RNF149: variants seen among roughly 807,000 people sequenced by gnomAD.
RNF149 encodes E3 ubiquitin-protein ligase RNF149.
Under a neutral mutation model 39.0 loss-of-function variants are expected in RNF149, and 21 were observed. The ratio of observed to expected loss-of-function variants is 0.54; its 90% CI spans 0.38 to 0.77. RNF149 has a LOEUF of 0.77. Ranked by LOEUF, RNF149 falls within the 30% of genes least tolerant of loss-of-function variation. The probability of loss-of-function intolerance (pLI) is 0.00; values close to 1 mark genes in which losing one functional copy is unlikely to be tolerated. For synonymous variants in RNF149, 209 were observed against 213.6 expected, an observed-to-expected ratio of 0.98 and a Z score of 0.19; for missense variants, 493 against 534.9, an observed-to-expected ratio of 0.92 and a Z score of 0.77.
intron 1 of RNF149, among the ~76,000 whole-genome samples, chr2:101,303,036 C>T (rs1250117752): frequency 6.6e-6 from 1 of 151,598 alleles, no homozygotes; most frequent in African/African-American, 2.4e-5. Context: ...AAACCCTCAA[C>T]CTTTCTGGGA....
chr2:101,298,408 G>C (rs1163651231), intron 1 of RNF149, among the ~76,000 whole-genome samples: 1 of 152,054 alleles, frequency 6.6e-6, no homozygotes, highest in Non-Finnish European at 1.5e-5. Context: ...CTGGGCAACA[G>C]AGCAAGACAC....
At chr2:101,302,307 C>A (rs1026356731) in intron 1 of RNF149, among the ~76,000 whole-genome samples, 5 of 151,966 alleles carry the variant, frequency 3.3e-5, no homozygotes, top group African/African-American at 1.2e-4. Flanking sequence ...TAAAATGGCC[C>A]AATAAGGAGA....
chr2:101,293,330 T>C (rs1370461044), intron 3 of RNF149, among the ~76,000 whole-genome samples: 1 of 152,170 alleles, frequency 6.6e-6, no homozygotes, highest in Non-Finnish European at 1.5e-5. Flanking sequence ...AACCAAGTCA[T>C]AGCTGCAAGT....
chr2:101,282,637 A>T (rs1343735278), intron 5 of RNF149, among the ~76,000 whole-genome samples: 2 of 152,162 alleles, frequency 1.3e-5, no homozygotes, highest in African/African-American at 4.8e-5. Flanking sequence ...TCACTGCATT[A>T]AGTCTCAACA....
chr2:101,298,403 C>T (rs1258114202), intron 1 of RNF149, among the ~76,000 whole-genome samples: 1 of 151,816 alleles, frequency 6.6e-6, no homozygotes, highest in Non-Finnish European at 1.5e-5. Flanking sequence ...CCAGCCTGGG[C>T]AACAGAGCAA....
intron 1 of RNF149, among the ~76,000 whole-genome samples, chr2:101,302,019 G>C (rs1237001079): frequency 1.3e-5 from 2 of 152,124 alleles, no homozygotes; most frequent in Non-Finnish European, 2.9e-5. Context: ...CTAACTAACT[G>C]CAACACTCTA....
chr2:101,294,133 C>G (rs2104415921), intron 2 of RNF149, 51 bp from the exon 3 acceptor site: 2 of 1,028,974 alleles, frequency 1.9e-6, no homozygotes, highest in African/African-American at 1.6e-5. Context: ...AATTAAATCA[C>G]TATTTTTCTT....
chr2:101,283,816 A>G (rs1682684878), intron 5 of RNF149, among the ~76,000 whole-genome samples: 1 of 152,226 alleles, frequency 6.6e-6, no homozygotes, highest in African/African-American at 2.4e-5. Context: ...AACAAAACTC[A>G]TGAGGATTAA....
rs1457736118 is a variant in RNF149 at position 101,275,855 on chromosome 2, T to C, written c.*1383A>G. The C allele has an allele frequency of 8.1e-6, 8 of 984,692 alleles. No individual in the cohort carries two copies. The highest frequency in any genetic ancestry group is 9.6e-6 in the Non-Finnish European group (8 of 829,264). 61.0% of individuals were successfully genotyped at this position (984,692 alleles called of 1,614,324 possible). On this transcript the variant is annotated 3_prime_UTR_variant, in exon 7 of 7. Coordinates refer to ENST00000295317, the MANE Select transcript of RNF149 (RefSeq NM_173647.4). ...TAGATTTCAAAGGTAATGGCTGTTA[T>C]GGAAACCTACTTGAGGTTGTCTGCT... is the stretch of plus-strand genomic sequence containing the variant.
At chr2:101,292,473 A>G (rs889672619) in intron 3 of RNF149, among the ~76,000 whole-genome samples, 13 of 152,170 alleles carry the variant, frequency 8.5e-5, no homozygotes, top group African/African-American at 3.1e-4. Context: ...ATACTTAAGA[A>G]CTGCAATTTC....
Position 101,299,754 on chromosome 2 carries a change from G to A in RNF149, c.461-4573C>T, listed in dbSNP as rs189321214. On this transcript the variant is annotated intron_variant, in intron 1 of 6. Transcript: ENST00000295317. The stretch of plus-strand genomic sequence containing the variant: ...TTTGTGTGGTAATGGGGAAGAACAC[G>A]TTCACATTTATGTCTCACTTGAAGC... Among the ~76,000 whole-genome samples, 123 of 152,336 alleles carry A rather than the reference G, an allele frequency of 8.1e-4. 1 individual carries two copies. Among genetic ancestry groups the A allele is most frequent in the Middle Eastern group, 3.4e-3 (1 of 294 alleles).
At chr2:101,304,703 T>A (rs1003564663) in intron 1 of RNF149, among the ~76,000 whole-genome samples, 37 of 152,002 alleles carry the variant, frequency 2.4e-4, no homozygotes, top group African/African-American at 8.2e-4. Context: ...TCCAGTCACA[T>A]TTTTTTTAGA....
intron 2 of RNF149, 186 bp from the exon 3 acceptor site, chr2:101,294,268 A>C: frequency 2.1e-6 from 1 of 467,808 alleles, no homozygotes; most frequent in South Asian, 2.9e-5. Context: ...CCAACTTCAT[A>C]AAAAAGCCCC....
chr2:101,296,024 A>C (rs376974176), intron 1 of RNF149, among the ~76,000 whole-genome samples: 275 of 152,230 alleles, frequency 1.8e-3, no homozygotes, highest in African/African-American at 6.4e-3. Context: ...AGGCTGAGGC[A>C]GAAGAATTGC....
intron 1 of RNF149, among the ~76,000 whole-genome samples, chr2:101,305,895 T>G (rs911040911): frequency 3.3e-5 from 5 of 152,220 alleles, no homozygotes; most frequent in African/African-American, 1.2e-4. Context: ...AGTGAGTCAC[T>G]CTATGCAGAA....
chr2:101,283,309 G>C (rs146554940), intron 5 of RNF149, among the ~76,000 whole-genome samples: 92 of 152,310 alleles, frequency 6.0e-4, no homozygotes, highest in African/African-American at 2.0e-3. Context: ...CCCATGAGGG[G>C]AGGGGCTGTG....
intron 6 of RNF149, 103 bp from the exon 7 acceptor site, chr2:101,277,384 A>C: frequency 7.0e-7 from 1 of 1,428,416 alleles, no homozygotes. Flanking sequence ...TCAAGATGGT[A>C]AACAGAAAAA....
chr2:101,302,845 C>G (rs1300425587), intron 1 of RNF149, among the ~76,000 whole-genome samples: 1 of 152,032 alleles, frequency 6.6e-6, no homozygotes, highest in African/African-American at 2.4e-5. Flanking sequence ...CCAGGTGTGG[C>G]AGCATGCACC....
intron 2 of RNF149, 90 bp from the exon 3 acceptor site, chr2:101,294,172 A>G: frequency 1.4e-6 from 1 of 723,738 alleles, no homozygotes; most frequent in Non-Finnish European, 2.4e-6. Context: ...ACACATAAGC[A>G]TACAGAAAAC....
Sources: allele counts gnomAD v4.1 joint callset (sites outside exome capture counted in the v4.1 genomes callset), GRCh38; gene constraint gnomAD v4.1.1; transcripts MANE v1.5; gene names NCBI Gene and HGNC (gene_info 2026-07-23, HGNC 2026-07-21).